The following SLC9A7 variants were observed in gnomAD, a reference collection of about 807,000 sequenced individuals.
SLC9A7 encodes the protein solute carrier family 9 member A7.
In SLC9A7, 19 loss-of-function variants were observed where a neutral mutation model predicts 52.6. That is an observed-to-expected ratio of 0.36 (90% CI 0.25 to 0.53). SLC9A7 has a LOEUF of 0.53. Among genes scored for constraint, SLC9A7 ranks in the 20% least tolerant of loss-of-function variants. The pLI is 0.91. For missense variants in SLC9A7, 455 were observed against 597.9 expected, an observed-to-expected ratio of 0.76 and a Z score of 2.49; for synonymous variants, 226 against 252.1, an observed-to-expected ratio of 0.90 and a Z score of 0.98.
chrX:46,757,844 G>T (rs184162666), intron 1 of SLC9A7, among the ~76,000 whole-genome samples: 218 of 111,370 alleles, frequency 2.0e-3, no homozygotes, highest in African/African-American at 6.8e-3. Flanking sequence ...CACTGTGCAT[G>T]TAACACACTG....
chrX:46,706,193 T>C (rs191431674), intron 1 of SLC9A7, among the ~76,000 whole-genome samples: 198 of 103,549 alleles, frequency 1.9e-3, no homozygotes, highest in Middle Eastern at 5.1e-3. Flanking sequence ...TTGAAATATT[T>C]ACAAATATCA....
intron 1 of SLC9A7, among the ~76,000 whole-genome samples, chrX:46,702,656 T>C (rs1224152270): frequency 8.9e-6 from 1 of 112,424 alleles, no homozygotes; most frequent in East Asian, 2.8e-4. Context: ...GGGGTATATG[T>C]GCCACATTTT....
intron 1 of SLC9A7, among the ~76,000 whole-genome samples, chrX:46,752,860 A>G (rs1227059445): frequency 8.9e-6 from 1 of 111,825 alleles, no homozygotes; most frequent in African/African-American, 3.2e-5. Flanking sequence ...CCTTTCACCT[A>G]GGATTCTGGA....
At chrX:46,677,974 T>C (rs780914869) in intron 3 of SLC9A7, among the ~76,000 whole-genome samples, 61 of 112,202 alleles carry the variant, frequency 5.4e-4, no homozygotes, top group Non-Finnish European at 7.5e-4. Context: ...GCCAGATTTA[T>C]TTTTCTTTTT....
chrX:46,725,284 C>T (rs960226351), intron 1 of SLC9A7: 1 of 1,143,907 alleles, frequency 8.7e-7, no homozygotes, highest in Non-Finnish European at 1.2e-6. Flanking sequence ...TAAGAACTGT[C>T]TTCATCAGCC....
At chrX:46,629,840 ACTG>A (rs1239114515) in intron 14 of SLC9A7, among the ~76,000 whole-genome samples, 2 of 111,411 alleles carry the variant, frequency 1.8e-5, no homozygotes, top group Non-Finnish European at 3.8e-5. Context: ...GATCTCCCAA[ACTG>A]TTATACTCTA....
rs1394665927 is a variant in SLC9A7 at position 46,602,728 on chromosome X, T to G, written c.*4224A>C. 2 of 112,705 alleles carry G rather than the reference T, an allele frequency of 1.8e-5. No homozygotes were observed. The highest frequency in any genetic ancestry group is 3.7e-5 in the Non-Finnish European group (2 of 53,354). The allele number at this position is 112,705 out of a possible 1,213,427, so 9.3% of individuals were successfully genotyped here. The stretch of plus-strand genomic sequence containing the variant: ...CTTGGAAGAACTTTGTTTATTTGGA[T>G]GTACCATTACTTAGCAGTTTCAATC... On this transcript the variant is annotated 3_prime_UTR_variant, in exon 17 of 17. Transcript: ENST00000616978.
chrX:46,613,375 T>A lies in SLC9A7; in HGVS notation c.1843A>T (p.Thr615Ser). ...GTGGTTAGTGGGGGACCACTGTGTG[T>A]GAGGATGGGCTTCAGGTAACTTTAA... is the stretch of plus-strand genomic sequence containing the variant. ...FDHNYLKPIL[T>S]HSGPPLTTTL... The change falls in exon 16 of 17, where the codon ACA becomes TCA. Residue 615 changes from threonine to serine, a missense_variant. This residue lies in a region of SLC9A7 where 146 missense variants were observed against 160.5 expected (regional missense o/e 0.91). Coordinates refer to ENST00000616978, the MANE Select transcript of SLC9A7 (RefSeq NM_001257291.2). 2.5e-6 allele frequency: 3 copies of A among 1,196,873 alleles called. No individual in the cohort carries two copies. The highest frequency in any genetic ancestry group is 3.4e-6 in the Non-Finnish European group (3 of 886,486).
intron 14 of SLC9A7, among the ~76,000 whole-genome samples, chrX:46,621,712 C>T (rs780087422): frequency 1.8e-5 from 2 of 112,254 alleles, no homozygotes; most frequent in East Asian, 5.6e-4. Flanking sequence ...ACATCCCCAT[C>T]GTGTAACTTT....
At chrX:46,671,760 G>A (rs181803025) in intron 4 of SLC9A7, among the ~76,000 whole-genome samples, 9 of 111,930 alleles carry the variant, frequency 8.0e-5, no homozygotes, top group East Asian at 5.6e-4. Context: ...TACTATCAAC[G>A]TGACTTACCA....
At chrX:46,714,836 G>A (rs1480416153) in intron 1 of SLC9A7, among the ~76,000 whole-genome samples, 1 of 111,863 alleles carries the variant, frequency 8.9e-6, no homozygotes, top group African/African-American at 3.2e-5. Context: ...AAGGAGTGTA[G>A]TGTGGAGTAG....
At chrX:46,730,707 T>TATAA (rs1377710476) in intron 1 of SLC9A7, among the ~76,000 whole-genome samples, 4 of 70,735 alleles carry the variant, frequency 5.7e-5, no homozygotes, top group African/African-American at 2.0e-4. Flanking sequence ...TATATATATA[T>TATAA]ATAAAATGGA....
chrX:46,713,163 T>C (rs991629169), intron 1 of SLC9A7, among the ~76,000 whole-genome samples: 1 of 111,863 alleles, frequency 8.9e-6, no homozygotes, highest in Non-Finnish European at 1.9e-5. Flanking sequence ...ATGGGTCAAT[T>C]AGCAAAAAAG....
intron 1 of SLC9A7, among the ~76,000 whole-genome samples, chrX:46,708,459 G>A (rs1183247733): frequency 9.0e-6 from 1 of 110,601 alleles, no homozygotes; most frequent in African/African-American, 3.3e-5. Context: ...GAACCCAGGA[G>A]GCAGAGGTTG....
rs1047907455 is a variant in SLC9A7, at chrX:46,602,211, G to A, written c.*4741C>T. 5.4e-5 allele frequency: 6 copies of A among 111,201 alleles called. No homozygotes were observed. Among genetic ancestry groups the A allele is most frequent in the African/African-American group, 2.0e-4 (6 of 30,541 alleles). The allele number at this position is 111,201 out of a possible 1,213,427, so 9.2% of individuals were successfully genotyped here. ...CCCCAAGTCACCCTTCTCTTTCCTC[G>A]AAGGCTCCAAGGTTTTCGTGATCTT... is the stretch of plus-strand genomic sequence containing the variant. On this transcript the variant is annotated 3_prime_UTR_variant, in exon 17 of 17. Coordinates refer to ENST00000616978, the MANE Select transcript of SLC9A7 (RefSeq NM_001257291.2).
chrX:46,610,758 G>A (rs1942834988), intron 16 of SLC9A7, among the ~76,000 whole-genome samples: 1 of 112,191 alleles, frequency 8.9e-6, no homozygotes. Flanking sequence ...GAACTGCTGG[G>A]AGAAGCACTT....
At chrX:46,696,046 C>T (rs1366327733) in intron 1 of SLC9A7, among the ~76,000 whole-genome samples, 3 of 110,185 alleles carry the variant, frequency 2.7e-5, no homozygotes, top group Admixed American at 9.7e-5. Flanking sequence ...AGTACAGTGG[C>T]GCAATCTCGG....
intron 12 of SLC9A7, among the ~76,000 whole-genome samples, chrX:46,639,576 T>C (rs1337055522): frequency 9.0e-6 from 1 of 110,716 alleles, no homozygotes. Context: ...CCACCGTCCC[T>C]GGAAAATGCT....
intron 1 of SLC9A7, among the ~76,000 whole-genome samples, chrX:46,742,373 C>T (rs1921413804): frequency 9.1e-6 from 1 of 110,238 alleles, no homozygotes; most frequent in Admixed American, 9.7e-5. Flanking sequence ...GCCTAGTGTT[C>T]TTCAACTGGC....
Sources: allele counts gnomAD v4.1 joint callset (sites outside exome capture counted in the v4.1 genomes callset), GRCh38; gene constraint gnomAD v4.1.1; regional missense constraint gnomAD v4.1.1; transcripts MANE v1.5; gene names NCBI Gene and HGNC (gene_info 2026-07-23, HGNC 2026-07-21).